The following SFI1 variants were observed in gnomAD, a reference collection of about 807,000 sequenced individuals.
SFI1 encodes protein SFI1 homolog.
A neutral mutation model predicts 207.5 loss-of-function variants in SFI1; 195 were observed. That is an observed-to-expected ratio of 0.94 (90% CI 0.84 to 1.06). SFI1 has a LOEUF of 1.06. Ranked by LOEUF, SFI1 falls within the 50% of genes least tolerant of loss-of-function variation. SFI1 has a pLI of 0.00. For synonymous variants in SFI1, 630 were observed against 598.9 expected (o/e 1.05, Z -0.76); for missense variants, 1,634 against 1,588.0 (o/e 1.03, Z -0.49).
At chr22:31,522,820 T>C (rs1017229079) in intron 2 of SFI1, among the ~76,000 whole-genome samples, 3 of 152,178 alleles carry the variant, frequency 2.0e-5, no homozygotes, top group Admixed American at 2.0e-4. Flanking sequence ...CATGCCCAGC[T>C]AATTTTTGTA....
chr22:31,526,509 G>A, intron 2 of SFI1, among the ~76,000 whole-genome samples: 1 of 152,144 alleles, frequency 6.6e-6, no homozygotes, highest in South Asian at 2.1e-4. Context: ...GATTATGGGA[G>A]CTACAATTGC....
intron 10 of SFI1, chr22:31,577,955 G>A (rs1013656037): frequency 2.0e-5 from 3 of 153,194 alleles, no homozygotes; most frequent in Non-Finnish European, 2.9e-5. Context: ...GATGGACTTG[G>A]CGACCGATTA....
chr22:31,543,796 C>T (rs1235047856), intron 4 of SFI1, among the ~76,000 whole-genome samples: 1 of 141,428 alleles, frequency 7.1e-6, no homozygotes, highest in Admixed American at 7.4e-5. Flanking sequence ...GGCGACAAAG[C>T]GAGACTCCAT....
At chr22:31,565,501 A>G (rs2062197734) in intron 8 of SFI1, among the ~76,000 whole-genome samples, 1 of 150,716 alleles carries the variant, frequency 6.6e-6, no homozygotes, top group African/African-American at 2.4e-5. Flanking sequence ...GTTCAAGACC[A>G]GACTAGGCAA....
At chr22:31,529,941 C>T (rs1237578524) in intron 3 of SFI1, among the ~76,000 whole-genome samples, 8 of 151,834 alleles carry the variant, frequency 5.3e-5, no homozygotes, top group South Asian at 2.1e-4. Flanking sequence ...GAGGCCGAGG[C>T]GGGTGGATCA....
chr22:31,602,581 G>A, intron 16 of SFI1, 26 bp from the exon 17 acceptor site: 2 of 1,612,624 alleles, frequency 1.2e-6, no homozygotes, highest in Non-Finnish European at 1.7e-6. Context: ...GATTTATTCT[G>A]TTCTCTCCTT....
At chr22:31,509,784 G>A (rs2055217531) in intron 2 of SFI1, among the ~76,000 whole-genome samples, 1 of 152,070 alleles carries the variant, frequency 6.6e-6, no homozygotes, top group Non-Finnish European at 1.5e-5. Flanking sequence ...CTGTAGTCAC[G>A]AGGTCTATTG....
intron 4 of SFI1, among the ~76,000 whole-genome samples, chr22:31,543,809 CAAAAAAA>C (rs59076091): frequency 7.1e-5 from 4 of 56,650 alleles, no homozygotes; most frequent in Non-Finnish European, 1.1e-4. Context: ...GACTCCATCT[CAAAAAAA>C]AAAAAAAAAG....
At chr22:31,541,031 TGAGTC>T (rs2147726787) in intron 4 of SFI1, among the ~76,000 whole-genome samples, 1 of 152,208 alleles carries the variant, frequency 6.6e-6, no homozygotes, top group South Asian at 2.1e-4. Flanking sequence ...GAGATATACC[TGAGTC>T]TTTGCTTGAG....
At chr22:31,614,601 C>T (rs375650575) in intron 27 of SFI1, 188 bp from the exon 28 acceptor site, 13 of 712,818 alleles carry the variant, frequency 1.8e-5, no homozygotes, top group African/African-American at 3.5e-5. Context: ...AGTCCCCTGG[C>T]GTCAGGTACC....
intron 4 of SFI1, among the ~76,000 whole-genome samples, chr22:31,540,353 C>T (rs550679454): frequency 6.6e-6 from 1 of 151,184 alleles, no homozygotes; most frequent in Non-Finnish European, 1.5e-5. Context: ...GCGCAATTGA[C>T]TCACTGTAAC....
In SFI1 at chr22:31,604,963, C is replaced by T; in HGVS notation, c.2054+18C>T. On this transcript the variant is annotated intron_variant, in intron 20 of 32. Coordinates refer to ENST00000400288, the MANE Select transcript of SFI1 (RefSeq NM_001007467.3). ...CTGCTGCGGTGAGTCTCCCGGGCGCCTCCCAAGCTCCAGCTGGGGAACAAG... is the reference window on the plus strand; with the variant it reads ...CTGCTGCGGTGAGTCTCCCGGGCGCTTCCCAAGCTCCAGCTGGGGAACAAG... 6.3e-7 allele frequency: 1 copy of T among 1,576,640 alleles called. No homozygotes were observed. The highest frequency in any genetic ancestry group is 1.2e-5 in the South Asian group (1 of 86,278).
At chr22:31,524,427 A>G (rs919745876) in intron 2 of SFI1, among the ~76,000 whole-genome samples, 1 of 147,056 alleles carries the variant, frequency 6.8e-6, no homozygotes, top group Non-Finnish European at 1.5e-5. Context: ...TGCTCCCCTC[A>G]CTTTTTTTTT....
At chr22:31,522,308 TC>T in intron 2 of SFI1, among the ~76,000 whole-genome samples, 1 of 152,142 alleles carries the variant, frequency 6.6e-6, no homozygotes. Flanking sequence ...TCCACCTGCC[TC>T]AGCCTCCCAA....
intron 7 of SFI1, among the ~76,000 whole-genome samples, chr22:31,560,614 G>C (rs534124351): frequency 6.6e-6 from 1 of 151,606 alleles, no homozygotes; most frequent in South Asian, 2.1e-4. Flanking sequence ...TGATGGCCAA[G>C]CTGGTTTTGA....
At chr22:31,575,889 G>A (rs1878279849) in intron 10 of SFI1, among the ~76,000 whole-genome samples, 2 of 152,168 alleles carry the variant, frequency 1.3e-5, no homozygotes, top group Admixed American at 6.6e-5. Flanking sequence ...TCATAGCAAC[G>A]CTGTGGAGTA....
At chr22:31,606,204 A>C (rs781115452) in intron 20 of SFI1, 124 bp from the exon 21 acceptor site, 1 of 803,404 alleles carries the variant, frequency 1.2e-6, no homozygotes, top group Non-Finnish European at 2.0e-6. Context: ...TTGGTGAAAC[A>C]GACATTCTTA....
intron 15 of SFI1, among the ~76,000 whole-genome samples, chr22:31,601,480 A>AC (rs551014445): frequency 2.6e-4 from 40 of 151,470 alleles, no homozygotes; most frequent in South Asian, 1.2e-3. Flanking sequence ...ATTTCCTGGG[A>AC]CCCCCCCTCA....
At chr22:31,577,134 A>C (rs1296385982) in intron 10 of SFI1, among the ~76,000 whole-genome samples, 1 of 152,208 alleles carries the variant, frequency 6.6e-6, no homozygotes, top group Non-Finnish European at 1.5e-5. Context: ...ATAGACATGA[A>C]AATATGTCTT....
Sources: gnomAD v4.1 joint callset for allele counts (sites outside exome capture counted in the v4.1 genomes callset) on GRCh38, gnomAD v4.1.1 for gene constraint, MANE v1.5 for transcripts, NCBI Gene and HGNC (gene_info 2026-07-23, HGNC 2026-07-21) for gene names.